WDR33: variants seen among roughly 807,000 people sequenced by gnomAD.
WDR33 encodes the protein pre-mRNA 3' end processing protein WDR33.
WDR33 carries 47 observed loss-of-function variants against 164.9 expected under a neutral mutation model. That is an observed-to-expected ratio of 0.29 (90% CI 0.23 to 0.36). WDR33 has a LOEUF of 0.36. WDR33 is among the 10% of genes least tolerant of loss of function. The probability of loss-of-function intolerance (pLI) is 1.00; values close to 1 mark genes in which losing one functional copy is unlikely to be tolerated. For synonymous variants in WDR33, 505 were observed against 589.0 expected (o/e 0.86, Z 2.06); for missense variants, 1,137 against 1,754.1 (o/e 0.65, Z 6.28).
Position 127,723,204 on chromosome 2 carries a change from GT to G in WDR33, c.1291+48del, listed in dbSNP as rs1339634643. On this transcript the variant is annotated intron_variant, in intron 12 of 21. Coordinates refer to ENST00000322313, the MANE Select transcript of WDR33 (RefSeq NM_018383.5). The surrounding 1 kb of genome is among the most constrained non-coding windows in gnomAD (Gnocchi z 5.9). ...AATCTTCCCAACATCTAACACTTCT[GT>G]AATAGAATACCAGATTTCAAAGAAG... 1 of 1,546,776 alleles carries G rather than the reference GT, an allele frequency of 6.5e-7. No homozygotes were observed. The highest frequency in any genetic ancestry group is 8.9e-7 in the Non-Finnish European group (1 of 1,129,412).
At chr2:127,756,187 A>T (rs1687513654) in intron 7 of WDR33, among the ~76,000 whole-genome samples, 1 of 152,070 alleles carries the variant, frequency 6.6e-6, no homozygotes, top group African/African-American at 2.4e-5. Flanking sequence ...TACAAAAATT[A>T]GCTGGGTCTT....
rs1308159804 is a variant in WDR33 at position 127,702,792 on chromosome 2, A to G, written c.*3531T>C. 4 of 167,080 alleles carry G rather than the reference A, an allele frequency of 2.4e-5. No individual in the cohort carries two copies. Among genetic ancestry groups the G allele is most frequent in the Non-Finnish European group, 4.4e-5 (3 of 68,124 alleles). The allele number at this position is 167,080 out of a possible 1,614,324, so 10.3% of individuals were successfully genotyped here. A position where few individuals can be genotyped will look rare whatever the true frequency, so the allele number is the denominator to read the frequency against. On this transcript the variant is annotated 3_prime_UTR_variant, in exon 22 of 22. Transcript: ENST00000322313. The stretch of plus-strand genomic sequence containing the variant: ...AACATGAAAGGAAAATTAGTTGTGT[A>G]TTTCACGACGAAAGCGACGGACCAA...
intron 7 of WDR33, among the ~76,000 whole-genome samples, chr2:127,758,194 C>T (rs1687574779): frequency 6.6e-6 from 1 of 152,034 alleles, no homozygotes; most frequent in Non-Finnish European, 1.5e-5. Context: ...TTAAAATGAA[C>T]CTGAATACCT....
Position 127,720,581 on chromosome 2 carries a change from T to C in WDR33, c.1672-228A>G. Among the ~76,000 whole-genome samples, 1 of 152,142 alleles carries C rather than the reference T, an allele frequency of 6.6e-6. No individual in the cohort carries two copies. The highest frequency in any genetic ancestry group is 1.9e-4 in the East Asian group (1 of 5,188). On this transcript the variant is annotated intron_variant, in intron 15 of 21. Transcript: ENST00000322313. This position sits in a 1 kb window ranked among gnomAD's most constrained non-coding sequence, Gnocchi z 5.9. ...TGGGACACAGTAGTAAGGATTTTTT[T>C]TTCCTTATTTTTTTTTTCTGTCCCC...
At chr2:127,797,335 T>C (rs1689075756) in intron 1 of WDR33, among the ~76,000 whole-genome samples, 1 of 151,856 alleles carries the variant, frequency 6.6e-6, no homozygotes, top group African/African-American at 2.4e-5. Context: ...CTACTAAAAA[T>C]ACAAAAATTA....
At position 127,802,220 on chromosome 2, in the gene WDR33, T is replaced by TA. The variant is rs749998482; in HGVS notation, c.-24+8791dup. On this transcript the variant is annotated intron_variant, in intron 1 of 21. Transcript: ENST00000322313. ...TTTGCTATGCATTTATCACAATTTA[T>TA]AAAAAAAAAAATCAAGTGTCACAAG... Among the ~76,000 whole-genome samples the TA allele has an allele frequency of 4.3e-3, 630 of 146,558 alleles. 2 individuals are homozygous for TA. Among genetic ancestry groups the TA allele is most frequent in the East Asian group, 0.02 (102 of 5,074 alleles).
chr2:127,768,026 T>C (rs1280529932), intron 4 of WDR33, among the ~76,000 whole-genome samples, 163 bp downstream of exon 4: 3 of 152,204 alleles, frequency 2.0e-5, no homozygotes, highest in Admixed American at 6.5e-5. Context: ...GGTGATAAAG[T>C]AGATAAACAA....
At chr2:127,789,904 C>T (rs1402832669) in intron 1 of WDR33, among the ~76,000 whole-genome samples, 3 of 151,602 alleles carry the variant, frequency 2.0e-5, no homozygotes, top group African/African-American at 7.3e-5. Context: ...GGTGTGATCT[C>T]GGCTCACTGC....
At chr2:127,755,109 C>G (rs1687483148) in intron 7 of WDR33, among the ~76,000 whole-genome samples, 1 of 152,130 alleles carries the variant, frequency 6.6e-6, no homozygotes, top group Admixed American at 6.5e-5. Context: ...TCTAACAAAC[C>G]CTGGAATTGA....
intron 2 of WDR33, among the ~76,000 whole-genome samples, chr2:127,769,557 G>C (rs896230592): frequency 2.0e-5 from 3 of 152,140 alleles, no homozygotes; most frequent in Non-Finnish European, 4.4e-5. Flanking sequence ...AAAGGAAACA[G>C]CAGAGAGGGT....
Position 127,722,896 on chromosome 2 carries a change from G to T in WDR33, c.1378+62C>A, listed in dbSNP as rs868234691. The T allele has an allele frequency of 6.8e-7, 1 of 1,480,532 alleles. No homozygotes were observed. Among genetic ancestry groups the T allele is most frequent in the Middle Eastern group, 1.9e-4 (1 of 5,288 alleles). 91.7% of individuals were successfully genotyped at this position (1,480,532 alleles called of 1,614,324 possible). A position where few individuals can be genotyped will look rare whatever the true frequency, so the allele number is the denominator to read the frequency against. ...TTTGGTATTTCAATATATTTATCAG[G>T]AACATAAACGGGTCAAGAAAAAATT... is the stretch of plus-strand genomic sequence containing the variant. On this transcript the variant is annotated intron_variant, in intron 13 of 21. Coordinates refer to ENST00000322313, the MANE Select transcript of WDR33 (RefSeq NM_018383.5). This position sits in a 1 kb window ranked among gnomAD's most constrained non-coding sequence, Gnocchi z 5.1.
rs1573886403 is a variant in WDR33 at position 127,720,718 on chromosome 2, C to T, written c.1672-365G>A. Among the ~76,000 whole-genome samples, 1 of 152,286 alleles carries T rather than the reference C, an allele frequency of 6.6e-6. No individual in the cohort carries two copies. Among genetic ancestry groups the T allele is most frequent in the East Asian group, 1.9e-4 (1 of 5,174 alleles). ...TAGCTGGGACTACAGGCACATGCCA[C>T]CACACCCAGCTAATTATTATTTGTA... On this transcript the variant is annotated intron_variant, in intron 15 of 21. Transcript: ENST00000322313. The surrounding 1 kb of genome is among the most constrained non-coding windows in gnomAD (Gnocchi z 5.9).
rs995859096 is a variant in WDR33 at position 127,726,168 on chromosome 2, C to G, written c.851+483G>C. Among the ~76,000 whole-genome samples, 27 of 152,126 alleles carry G rather than the reference C, an allele frequency of 1.8e-4. No individual in the cohort carries two copies. Among genetic ancestry groups the G allele is most frequent in the Non-Finnish European group, 4.4e-5 (3 of 68,028 alleles). ...ACATATGCATGTAGCTGTGAATGTT[C>G]ACAAATAACTGAAAGAGAAAACTAG... On this transcript the variant is annotated intron_variant, in intron 8 of 21. Transcript: ENST00000322313. The surrounding 1 kb of genome is among the most constrained non-coding windows in gnomAD (Gnocchi z 4.8).
intron 1 of WDR33, among the ~76,000 whole-genome samples, chr2:127,784,269 G>C (rs1444821027): frequency 6.6e-6 from 1 of 152,146 alleles, no homozygotes; most frequent in Non-Finnish European, 1.5e-5. Context: ...ATCTAGAAAA[G>C]AGTATTTTCA....
chr2:127,756,768 G>T (rs530629760), intron 7 of WDR33, among the ~76,000 whole-genome samples: 5 of 152,102 alleles, frequency 3.3e-5, no homozygotes, highest in African/African-American at 1.2e-4. Flanking sequence ...ATAATCATAG[G>T]GATTTGTCAC....
intron 7 of WDR33, among the ~76,000 whole-genome samples, chr2:127,730,698 G>T (rs1686680312): frequency 6.6e-6 from 1 of 152,224 alleles, no homozygotes; most frequent in South Asian, 2.1e-4. Context: ...CTTAACATAT[G>T]TGTGTACATT....
chr2:127,750,773 C>CAT (rs1687334409), intron 7 of WDR33, among the ~76,000 whole-genome samples: 1 of 107,040 alleles, frequency 9.3e-6, no homozygotes, highest in Non-Finnish European at 1.8e-5. Flanking sequence ...CATATATATA[C>CAT]ACATATATAT....
chr2:127,711,677 A>G (rs1686166834), intron 18 of WDR33, among the ~76,000 whole-genome samples: 2 of 146,146 alleles, frequency 1.4e-5, no homozygotes. Flanking sequence ...CATGCTTCTG[A>G]GCCTGTCATC....
rs755261131 is a variant in WDR33, at chr2:127,719,251, G to A, written c.2760+14C>T. 2 of 1,405,874 alleles carry A rather than the reference G, an allele frequency of 1.4e-6. No individual in the cohort carries two copies. The highest frequency in any genetic ancestry group is 1.9e-6 in the Non-Finnish European group (2 of 1,079,996). 87.1% of individuals were successfully genotyped at this position (1,405,874 alleles called of 1,614,324 possible). ...ATTTTCCCAATGTGCCCGTGAGTTG[G>A]AAATGAATAATACCTGGTTGAAGGG... is the stretch of plus-strand genomic sequence containing the variant. On this transcript the variant is annotated intron_variant, in intron 16 of 21. Coordinates refer to ENST00000322313, the MANE Select transcript of WDR33 (RefSeq NM_018383.5). This position sits in a 1 kb window ranked among gnomAD's most constrained non-coding sequence, Gnocchi z 6.5.
Sources: gnomAD v4.1 joint callset for allele counts (sites outside exome capture counted in the v4.1 genomes callset) on GRCh38, gnomAD v4.1.1 for gene constraint, Gnocchi (gnomAD v3.1) non-coding constraint, MANE v1.5 for transcripts, NCBI Gene and HGNC (gene_info 2026-07-23, HGNC 2026-07-21) for gene names.